The following KHDRBS2 variants were observed in gnomAD, a reference collection of about 807,000 sequenced individuals.
KHDRBS2 encodes KH RNA binding domain containing, signal transduction associated 2.
In KHDRBS2, 26 loss-of-function variants were observed where a neutral mutation model predicts 44.3. That is an observed-to-expected ratio of 0.59 (90% CI 0.43 to 0.81). The LOEUF is 0.81. Among genes scored for constraint, KHDRBS2 ranks in the 40% least tolerant of loss-of-function variants. The pLI is 0.00. For missense variants in KHDRBS2, 476 were observed against 433.1 expected, an observed-to-expected ratio of 1.10 and a Z score of -0.88; for synonymous variants, 194 against 151.1, an observed-to-expected ratio of 1.28 and a Z score of -2.08.
At chr6:62,059,415 C>G (rs1484320952) in intron 2 of KHDRBS2, among the ~76,000 whole-genome samples, 1 of 150,696 alleles carries the variant, frequency 6.6e-6, no homozygotes, top group Non-Finnish European at 1.5e-5. Flanking sequence ...ATAATGGGAA[C>G]ATGAAGCAGA....
intron 2 of KHDRBS2, among the ~76,000 whole-genome samples, chr6:62,167,657 C>T (rs1818986985): frequency 6.6e-6 from 1 of 151,988 alleles, no homozygotes; most frequent in Admixed American, 6.6e-5. Flanking sequence ...ACTGAAATCA[C>T]AAAGCCCATC....
chr6:62,003,189 G>A (rs1361630946), intron 3 of KHDRBS2, among the ~76,000 whole-genome samples: 12 of 152,016 alleles, frequency 7.9e-5, no homozygotes, highest in Non-Finnish European at 1.8e-4. Flanking sequence ...TGAGGTGGGA[G>A]GATGACTTGA....
rs1435703084 is a variant in KHDRBS2 at position 61,852,587 on chromosome 6, C to T, written c.810+42048G>A. On this transcript the variant is annotated intron_variant, in intron 6 of 8. Transcript: ENST00000281156. ...CAAAAAAAAAAAAAAAAAGATTTCC[C>T]CCCCTTTAATTATTCTGCTAATACC... is the stretch of plus-strand genomic sequence containing the variant. 3.3e-5 allele frequency among the ~76,000 whole-genome samples: 5 copies of T among 151,982 alleles called. 1 individual carries two copies. Among genetic ancestry groups the T allele is most frequent in the Admixed American group, 2.0e-4 (3 of 15,264 alleles).
At chr6:62,163,907 G>A (rs1562981611) in intron 2 of KHDRBS2, among the ~76,000 whole-genome samples, 2 of 151,868 alleles carry the variant, frequency 1.3e-5, no homozygotes, top group Admixed American at 6.6e-5. Flanking sequence ...TTAAGTGTGA[G>A]GTCCCAGGTT....
chr6:62,174,757 T>C (rs1008065239), intron 2 of KHDRBS2, among the ~76,000 whole-genome samples: 6 of 151,774 alleles, frequency 4.0e-5, no homozygotes, highest in African/African-American at 1.4e-4. Context: ...AGGGGAGAAA[T>C]GGTTCTGAGA....
intron 3 of KHDRBS2, among the ~76,000 whole-genome samples, chr6:62,008,272 G>C (rs1329638369): frequency 6.6e-6 from 1 of 152,024 alleles, no homozygotes; most frequent in African/African-American, 2.4e-5. Flanking sequence ...CACATGAGAG[G>C]AATTTTTTTT....
intron 6 of KHDRBS2, chr6:61,816,918 A>G (rs1562238728): frequency 2.2e-6 from 1 of 455,588 alleles, no homozygotes; most frequent in Non-Finnish European, 4.4e-6. Flanking sequence ...GAAGTTAGTC[A>G]TTTCCATCTT....
chr6:61,991,506 G>A (rs577781733), intron 3 of KHDRBS2, among the ~76,000 whole-genome samples: 3 of 152,250 alleles, frequency 2.0e-5, no homozygotes, highest in Non-Finnish European at 4.4e-5. Context: ...AACCAATTAA[G>A]AAATGAAGTG....
intron 1 of KHDRBS2, among the ~76,000 whole-genome samples, chr6:62,202,944 T>C (rs776501605): frequency 6.6e-6 from 1 of 152,120 alleles, no homozygotes; most frequent in Admixed American, 6.6e-5. Context: ...TATAATTGAT[T>C]GTATTTTATT....
intron 2 of KHDRBS2, among the ~76,000 whole-genome samples, chr6:62,111,050 G>C (rs1358166250): frequency 6.6e-6 from 1 of 151,944 alleles, no homozygotes; most frequent in Non-Finnish European, 1.5e-5. Flanking sequence ...TAAGGATCTA[G>C]GGAAACTGCT....
intron 6 of KHDRBS2, among the ~76,000 whole-genome samples, chr6:61,802,916 G>A (rs1786516488): frequency 6.6e-6 from 1 of 152,076 alleles, no homozygotes; most frequent in Admixed American, 6.6e-5. Context: ...GAGTAAAAGA[G>A]GTAGCACAGT....
At chr6:62,231,608 A>T (rs1169502866) in intron 1 of KHDRBS2, among the ~76,000 whole-genome samples, 1 of 152,200 alleles carries the variant, frequency 6.6e-6, no homozygotes, top group Non-Finnish European at 1.5e-5. Flanking sequence ...ATTATTCAAC[A>T]GTGAGAACAA....
the KHDRBS2 span, among the ~76,000 whole-genome samples, chr6:61,645,291 A>G: frequency 6.6e-6 from 1 of 152,024 alleles, no homozygotes; most frequent in Non-Finnish European, 1.5e-5. Flanking sequence ...AGAATGGGAA[A>G]AGCACACATT....
chr6:61,988,664 A>G (rs1775530874), intron 3 of KHDRBS2, among the ~76,000 whole-genome samples: 1 of 152,346 alleles, frequency 6.6e-6, no homozygotes, highest in African/African-American at 2.4e-5. Flanking sequence ...AAAGCTGAGA[A>G]GAAACCAAGA....
chr6:62,224,791 G>C (rs573705744), intron 1 of KHDRBS2, among the ~76,000 whole-genome samples: 7 of 152,182 alleles, frequency 4.6e-5, no homozygotes, highest in Non-Finnish European at 2.9e-5. Context: ...CCTTTTATAT[G>C]CTACTTGGTG....
chr6:61,562,567 T>C, the KHDRBS2 span, among the ~76,000 whole-genome samples: 1 of 152,156 alleles, frequency 6.6e-6, no homozygotes, highest in Non-Finnish European at 1.5e-5. Flanking sequence ...TATAAATCCT[T>C]TAGGAAACCA....
the KHDRBS2 span, among the ~76,000 whole-genome samples, chr6:61,573,248 A>T: frequency 6.6e-6 from 1 of 152,202 alleles, no homozygotes; most frequent in Non-Finnish European, 1.5e-5. Flanking sequence ...ATACTTAGGA[A>T]TATACTTAAC....
At chr6:61,614,893 A>T in the KHDRBS2 span, among the ~76,000 whole-genome samples, 1 of 152,108 alleles carries the variant, frequency 6.6e-6, no homozygotes, top group Non-Finnish European at 1.5e-5. Flanking sequence ...TCAAATAGGA[A>T]TAAAAATCAT....
In KHDRBS2 at chr6:61,945,150, T is replaced by TATATATACACACACAC. The variant is rs371595813; in HGVS notation, c.483+32915_483+32916insGTGTGTGTGTATATAT. On this transcript the variant is annotated intron_variant, in intron 4 of 8. Transcript: ENST00000281156. ...ATATATATATATATATATATATATA[T>TATATATACACACACAC]ACACACAGACTTGTCTTGATAAAGT... 2.2e-4 allele frequency among the ~76,000 whole-genome samples: 19 copies of TATATATACACACACAC among 86,988 alleles called. 1 individual carries two copies. The highest frequency in any genetic ancestry group is 8.1e-4 in the African/African-American group (19 of 23,336). The allele number at this position is 86,988 out of a possible 152,430, so 57.1% of individuals were successfully genotyped here.
Sources: gnomAD v4.1 joint callset for allele counts (sites outside exome capture counted in the v4.1 genomes callset) on GRCh38, gnomAD v4.1.1 for gene constraint, MANE v1.5 for transcripts, NCBI Gene and HGNC (gene_info 2026-07-23, HGNC 2026-07-21) for gene names.